Variants in LYPD2 observed in about 807,000 individuals in gnomAD.
LYPD2 encodes the protein ly6/PLAUR domain-containing protein 2.
Under a neutral mutation model 7.1 loss-of-function variants are expected in LYPD2, and 5 were observed. That is an observed-to-expected ratio of 0.70 (90% CI 0.37 to 1.48). The LOEUF (loss-of-function observed/expected upper bound fraction) is 1.48, where lower values mean the gene tolerates loss of function less well. LYPD2 is among the 40% of genes most tolerant of loss of function. The pLI is 0.03. For synonymous variants in LYPD2, 78 were observed against 82.0 expected, an observed-to-expected ratio of 0.95 and a Z score of 0.26; for missense variants, 177 against 171.0, an observed-to-expected ratio of 1.04 and a Z score of -0.20.
intron 2 of LYPD2, 63 bp from the exon 3 acceptor site, chr8:142,750,545 C>T: frequency 6.7e-7 from 1 of 1,483,054 alleles, no homozygotes; most frequent in South Asian, 1.2e-5. Flanking sequence ...CTGGTCCCTG[C>T]CAGTACCACC....
In LYPD2 at chr8:142,750,410, C is replaced by T; in HGVS notation, c.251G>A (p.Gly84Asp). Reference protein sequence around the residue: ...ASKCKPSDVDGIGQTLPVSCC... With the variant: ...ASKCKPSDVDDIGQTLPVSCC... ...GGACACGGGCAGGGTCTGGCCGATGCCATCCACATCCGAGGGCTTACACTT... is the reference window on the plus strand; with the variant it reads ...GGACACGGGCAGGGTCTGGCCGATGTCATCCACATCCGAGGGCTTACACTT... The change falls in exon 3 of 3, where the codon GGC (glycine) becomes GAC (aspartate). Residue 84 changes from glycine to aspartate, a missense_variant. By Grantham distance (94) the Gly-to-Asp change is moderately conservative. Transcript: ENST00000359228. 6.3e-7 allele frequency: 1 copy of T among 1,585,762 alleles called. No individual in the cohort carries two copies. The highest frequency in any genetic ancestry group is 8.6e-7 in the Non-Finnish European group (1 of 1,165,950).
At position 142,750,214 on chromosome 8, in the gene LYPD2, G is replaced by T; in HGVS notation, c.*69C>A. ...CCCAGAAAGGAGACTCAGGAGTCCT[G>T]GTGCAGGGGGCACTTCTTCAAGGCA... is the stretch of plus-strand genomic sequence containing the variant. On this transcript the variant is annotated 3_prime_UTR_variant, in exon 3 of 3. Coordinates refer to ENST00000359228, the MANE Select transcript of LYPD2 (RefSeq NM_205545.3). The T allele has an allele frequency of 7.3e-7, 1 of 1,376,078 alleles. No individual in the cohort carries two copies. The allele number at this position is 1,376,078 out of a possible 1,614,324, so 85.2% of individuals were successfully genotyped here.
rs11778314 is a variant in LYPD2 at position 142,752,438 on chromosome 8, C to G, written c.14G>C (p.Arg5Pro). Residue 5 changes from arginine to proline, a missense_variant, in exon 1 of 3, where the codon CGG becomes CCG. Transcript: ENST00000359228. MRGT[R>P]LALLALVLAA... Reference sequence around the variant, plus strand: ...CAGCACCAGCGCCAGGAGCGCCAGCCGCGTCCCCCGCATGGTCCCGGCCCA... The same window carrying G: ...CAGCACCAGCGCCAGGAGCGCCAGCGGCGTCCCCCGCATGGTCCCGGCCCA... The G allele has an allele frequency of 6.2e-7, 1 of 1,612,678 alleles. No individual in the cohort carries two copies. The highest frequency in any genetic ancestry group is 1.3e-5 in the African/African-American group (1 of 74,872).
rs1259687581 is a variant in LYPD2 at position 142,752,445 on chromosome 8, C to T, written c.7G>A (p.Gly3Arg). The change falls in exon 1 of 3, where the codon GGG becomes AGG. Residue 3 changes from glycine (G) to arginine (R), a missense_variant. By Grantham distance (125) the Gly-to-Arg change is moderately radical. Coordinates refer to ENST00000359228, the MANE Select transcript of LYPD2 (RefSeq NM_205545.3). ...AGCGCCAGGAGCGCCAGCCGCGTCC[C>T]CCGCATGGTCCCGGCCCACTCCTCT... MR[G>R]TRLALLALVL... The T allele has an allele frequency of 4.3e-6, 7 of 1,613,414 alleles. No individual in the cohort carries two copies. Among genetic ancestry groups the T allele is most frequent in the Non-Finnish European group, 5.9e-6 (7 of 1,179,796 alleles).
chr8:142,750,926 G>C, intron 2 of LYPD2, 125 bp downstream of exon 2: 1 of 1,526,926 alleles, frequency 6.5e-7, no homozygotes, highest in South Asian at 1.2e-5. Context: ...AGGTGGCTCT[G>C]ACCGGGAACC....
At chr8:142,750,918 G>T in intron 2 of LYPD2, 133 bp downstream of exon 2, 1 of 1,487,946 alleles carries the variant, frequency 6.7e-7, no homozygotes, top group South Asian at 1.3e-5. Context: ...TGGGCTGGAG[G>T]TGGCTCTGAC....
rs587723945 is a variant in LYPD2, at chr8:142,750,528, C to T, written c.179-46G>A. The T allele has an allele frequency of 7.0e-5, 107 of 1,533,736 alleles. 2 individuals carry two copies. In the South Asian group the frequency reaches 1.2e-3, roughly 18 times the overall value. On this transcript the variant is annotated intron_variant, in intron 2 of 2. Coordinates refer to ENST00000359228, the MANE Select transcript of LYPD2 (RefSeq NM_205545.3). ...CAGCCGTCAGGGCTGGTCACTGCCT[C>T]CAAGCCCTGGTCCCTGCCAGTACCA...
At position 142,751,091 on chromosome 8, in the gene LYPD2, G is replaced by A. The variant is rs142451296; in HGVS notation, c.138C>T (p.Asn46=). The change falls in exon 2 of 3, where the codon AAC becomes AAT. Residue 46 remains asparagine, a synonymous_variant. Transcript: ENST00000359228. The part of the protein sequence containing the change: ...DCVTIATCTT[N]ETMCKTTLYS... ...AGAGTGTGGTCTTGCACATGGTTTC[G>A]TTGGTGGTGCAGGTGGCGATGGTGA... The A allele has an allele frequency of 8.2e-5, 133 of 1,614,082 alleles. No individual in the cohort carries two copies. The African/African-American group carries it at 1.3e-3, about 16-fold the overall frequency.
At chr8:142,750,721 AG>A (rs1210968193) in intron 2 of LYPD2, among the ~76,000 whole-genome samples, 2 of 152,242 alleles carry the variant, frequency 1.3e-5, no homozygotes, top group African/African-American at 4.8e-5. Context: ...TTGAAACCAA[AG>A]CCTGTAAGTG....
rs1394193949 is a variant in LYPD2, at chr8:142,752,397, GCT to G, written c.53_54del (p.Glu18AlafsTer60). 11 of 1,613,354 alleles carry G rather than the reference GCT, an allele frequency of 6.8e-6. No homozygotes were observed. The Admixed American group carries it at 1.2e-4, about 17-fold the overall frequency. On this transcript the variant is annotated frameshift_variant, in exon 1 of 3. Transcript: ENST00000359228. LOFTEE classifies it high-confidence loss of function. ...LLALVLAACG[E>X]LAPALRCYVC... ...CCCTGTGGGTCCCACACCTCACCCAGCTCTCCGCAGGCAGCCAGCACCAGCGC... is the reference window on the plus strand; with the variant it reads ...CCCTGTGGGTCCCACACCTCACCCAGCTCCGCAGGCAGCCAGCACCAGCGC...
Position 142,751,131 on chromosome 8 carries a change from C to T in LYPD2, c.98G>A (p.Gly33Glu), listed in dbSNP as rs1252268776. Reference protein sequence around the residue: ...LRCYVCPEPTGVSDCVTIATC... With the variant: ...LRCYVCPEPTEVSDCVTIATC... ...GGCGATGGTGACACAGTCCGACACT[C>T]CTGTGGGCTCCGGACAGACGTAGCA... is the stretch of plus-strand genomic sequence containing the variant. Residue 33 changes from glycine to glutamate, a missense_variant, in exon 2 of 3, where the codon GGA (glycine) becomes GAA (glutamate). Coordinates refer to ENST00000359228, the MANE Select transcript of LYPD2 (RefSeq NM_205545.3). 9.9e-6 allele frequency: 16 copies of T among 1,614,040 alleles called. No homozygotes were observed. Among genetic ancestry groups the T allele is most frequent in the Non-Finnish European group, 1.4e-5 (16 of 1,180,026 alleles).
intron 2 of LYPD2, 146 bp downstream of exon 2, chr8:142,750,905 G>GA: frequency 1.4e-6 from 2 of 1,427,244 alleles, no homozygotes; most frequent in Non-Finnish European, 1.9e-6. Context: ...GGCTGGTGGT[G>GA]ACTGGGCTGG....
rs1225263020 is a variant in LYPD2 at position 142,752,473 on chromosome 8, G to T, written c.-22C>A. ...GCATGGTCCCGGCCCACTCCTCTGTGCTCTCACCCCAGGCTTGCCTGGCGG... is the reference window on the plus strand; with the variant it reads ...GCATGGTCCCGGCCCACTCCTCTGTTCTCTCACCCCAGGCTTGCCTGGCGG... On this transcript the variant is annotated 5_prime_UTR_variant, in exon 1 of 3. Coordinates refer to ENST00000359228, the MANE Select transcript of LYPD2 (RefSeq NM_205545.3). 1 of 1,612,618 alleles carries T rather than the reference G, an allele frequency of 6.2e-7. No homozygotes were observed. Among genetic ancestry groups the T allele is most frequent in the South Asian group, 1.1e-5 (1 of 91,004 alleles).
At position 142,751,060 on chromosome 8, in the gene LYPD2, G is replaced by A. The variant is rs144446994; in HGVS notation, c.169C>T (p.Arg57Trp). The change falls in exon 2 of 3, where the codon CGG becomes TGG. Residue 57 changes from arginine (R) to tryptophan (W), a missense_variant. Arg to Trp is a moderately radical substitution (Grantham distance 101, BLOSUM62 -3). Coordinates refer to ENST00000359228, the MANE Select transcript of LYPD2 (RefSeq NM_205545.3). The part of the protein sequence containing the change: ...ETMCKTTLYS[R>W]EIVYPFQGDS... The stretch of plus-strand genomic sequence containing the variant: ...TTCTGTGCCCACTGACCTATCTCCC[G>A]GGAGTAGAGTGTGGTCTTGCACATG... The A allele has an allele frequency of 2.8e-5, 46 of 1,614,174 alleles. No homozygotes were observed. In the African/African-American group the frequency reaches 3.3e-4, roughly 12 times the overall value.
At chr8:142,750,561 C>G in intron 2 of LYPD2, 79 bp from the exon 3 acceptor site, 1 of 1,408,016 alleles carries the variant, frequency 7.1e-7, no homozygotes, top group Middle Eastern at 1.8e-4. Context: ...CCACCTCATG[C>G]AGGCCCCACT....
Position 142,750,433 on chromosome 8 carries a change from C to T in LYPD2, c.228G>A (p.Lys76=), listed in dbSNP as rs1052280060. 5.0e-6 allele frequency: 8 copies of T among 1,589,872 alleles called. No individual in the cohort carries two copies. The highest frequency in any genetic ancestry group is 4.6e-5 in the East Asian group (2 of 43,620). ...DSTVTKSCAS[K]CKPSDVDGIG... Reference sequence around the variant, plus strand: ...TGCCATCCACATCCGAGGGCTTACACTTGCTGGCACAGGACTTGGTCACCG... The same window carrying T: ...TGCCATCCACATCCGAGGGCTTACATTTGCTGGCACAGGACTTGGTCACCG... Residue 76 remains lysine (K), a synonymous_variant, in exon 3 of 3, where the codon AAG becomes AAA. Transcript: ENST00000359228.
Position 142,750,326 on chromosome 8 carries a change from C to A in LYPD2, c.335G>T (p.Cys112Phe), listed in dbSNP as rs1160299814. 6.4e-7 allele frequency: 1 copy of A among 1,555,030 alleles called. No individual in the cohort carries two copies. The highest frequency in any genetic ancestry group is 8.7e-7 in the Non-Finnish European group (1 of 1,149,244). Residue 112 changes from cysteine to phenylalanine, a missense_variant, in exon 3 of 3, where the codon TGC becomes TTC. By Grantham distance (205) the Cys-to-Phe change is radical. Transcript: ENST00000359228. ...DGAPALNSLH[C>F]GALTLLPLLS... Reference sequence around the variant, plus strand: ...GAGTGGGAGGAGCGTGAGGGCCCCGCAGTGGAGGCTGTTCAGAGCGGGCGC... The same window carrying A: ...GAGTGGGAGGAGCGTGAGGGCCCCGAAGTGGAGGCTGTTCAGAGCGGGCGC...
At chr8:142,750,513 G>A (rs1468294841) in intron 2 of LYPD2, 31 bp from the exon 3 acceptor site, 2 of 1,553,766 alleles carry the variant, frequency 1.3e-6, no homozygotes, top group South Asian at 2.4e-5. Flanking sequence ...CAGCCGTCAG[G>A]GCTGGTCACT....
rs374427190 is a variant in LYPD2 at position 142,750,257 on chromosome 8, T to C, written c.*26A>G. ...TCAAGGCATTCGGGGCTGGGCCGCA[T>C]AGGGCCATGGGGGTGGGCGGGGACT... On this transcript the variant is annotated 3_prime_UTR_variant, in exon 3 of 3. Transcript: ENST00000359228. 1.4e-4 allele frequency: 218 copies of C among 1,544,230 alleles called. 1 individual carries two copies. Among genetic ancestry groups the C allele is most frequent in the Non-Finnish European group, 1.7e-4 (197 of 1,143,576 alleles).
Sources: gnomAD v4.1 joint callset for allele counts (sites outside exome capture counted in the v4.1 genomes callset) on GRCh38, gnomAD v4.1.1 for gene constraint, MANE v1.5 for transcripts, NCBI Gene and HGNC (gene_info 2026-07-23, HGNC 2026-07-21) for gene names.